Variants in SRL observed in about 807,000 individuals in gnomAD.
SRL encodes sarcalumenin.
In SRL, 23 loss-of-function variants were observed where a neutral mutation model predicts 39.5. The observed-to-expected ratio is 0.58, with a 90% confidence interval of 0.42 to 0.82. The LOEUF (loss-of-function observed/expected upper bound fraction) is 0.82. Among genes scored for constraint, SRL ranks in the 40% least tolerant of loss-of-function variants. The probability of loss-of-function intolerance (pLI) is 0.00; values close to 1 mark genes in which losing one functional copy is unlikely to be tolerated. For synonymous variants in SRL, 272 were observed against 237.4 expected, an observed-to-expected ratio of 1.15 and a Z score of -1.34; for missense variants, 592 against 607.8, an observed-to-expected ratio of 0.97 and a Z score of 0.27.
At chr16:4,211,723 C>G (rs908446058) in intron 1 of SRL, among the ~76,000 whole-genome samples, 4 of 134,812 alleles carry the variant, frequency 3.0e-5, no homozygotes, top group Non-Finnish European at 6.4e-5. Context: ...TGGTGATGAC[C>G]GTGCCGATGA....
chr16:4,238,643 G>A (rs1195467436), intron 1 of SRL, among the ~76,000 whole-genome samples: 3 of 140,528 alleles, frequency 2.1e-5, no homozygotes, highest in Non-Finnish European at 4.5e-5. Context: ...TTTTTTCCTT[G>A]AGACAAGGTC....
chr16:4,200,580 C>G (rs920787295), intron 3 of SRL, among the ~76,000 whole-genome samples: 1 of 152,204 alleles, frequency 6.6e-6, no homozygotes, highest in Non-Finnish European at 1.5e-5. Flanking sequence ...GCTCCTGGCC[C>G]TGCTGCTGTA....
intron 3 of SRL, 122 bp downstream of exon 3, chr16:4,203,044 T>C: frequency 2.3e-6 from 2 of 865,176 alleles, no homozygotes; most frequent in South Asian, 1.5e-5. Context: ...GCACACATCA[T>C]GAATGAGCTC....
intron 1 of SRL, among the ~76,000 whole-genome samples, chr16:4,217,982 G>A (rs1308495787): frequency 2.6e-5 from 4 of 152,164 alleles, no homozygotes; most frequent in Non-Finnish European, 5.9e-5. Flanking sequence ...GGAGCTGCAG[G>A]GTGCCTGGGG....
chr16:4,198,929 C>T (rs2052184812), intron 3 of SRL, among the ~76,000 whole-genome samples: 1 of 152,150 alleles, frequency 6.6e-6, no homozygotes, highest in Non-Finnish European at 1.5e-5. Flanking sequence ...AAATAGAATG[C>T]TCTCGTGCTT....
At chr16:4,236,853 C>T (rs965086796) in intron 1 of SRL, among the ~76,000 whole-genome samples, 1 of 152,046 alleles carries the variant, frequency 6.6e-6, no homozygotes, top group South Asian at 2.1e-4. Context: ...CCCTATTAGT[C>T]AGGCTGGTCT....
rs2052290753 is a variant in SRL at position 4,204,534 on chromosome 16, A to G, written c.162T>C (p.Ser54=). The G allele has an allele frequency of 6.6e-7, 1 of 1,522,444 alleles. No homozygotes were observed. The highest frequency in any genetic ancestry group is 8.9e-7 in the Non-Finnish European group (1 of 1,127,890). 94.3% of individuals were successfully genotyped at this position (1,522,444 alleles called of 1,614,324 possible). The part of the protein sequence containing the change: ...LNEDKPSDDY[S]AVLQRLRKIY... ...GGCATATCTCCCTCCCCTGGTTACC[A>G]GAGTAGTCATCGGATGGCTTGTCCT... The change falls in exon 2 of 6, where the codon TCT becomes TCC. Residue 54 remains serine, a splice_region_variant and synonymous_variant. Transcript: ENST00000399609.
At chr16:4,226,792 G>C (rs991659329) in intron 1 of SRL, among the ~76,000 whole-genome samples, 3 of 151,578 alleles carry the variant, frequency 2.0e-5, no homozygotes, top group Admixed American at 6.6e-5. Flanking sequence ...TGGGTGGATG[G>C]ATGGCTGAAT....
At chr16:4,199,266 C>T (rs1389222779) in intron 3 of SRL, among the ~76,000 whole-genome samples, 2 of 151,994 alleles carry the variant, frequency 1.3e-5, no homozygotes, top group Admixed American at 6.6e-5. Flanking sequence ...TCAGCCCTGA[C>T]ACCCCCTGGA....
chr16:4,202,719 A>G (rs2052253033), intron 3 of SRL, among the ~76,000 whole-genome samples: 1 of 152,176 alleles, frequency 6.6e-6, no homozygotes, highest in Non-Finnish European at 1.5e-5. Flanking sequence ...TTTGTAAAGA[A>G]TCCAGGCCCA....
At chr16:4,239,806 C>A (rs772081620) in intron 1 of SRL, 3 of 152,210 alleles carry the variant, frequency 2.0e-5, no homozygotes, top group Non-Finnish European at 4.4e-5. Context: ...GTGGGGAGAC[C>A]GATCAAATCA....
intron 1 of SRL, among the ~76,000 whole-genome samples, chr16:4,206,539 A>G (rs114107844): frequency 0.042 from 6,371 of 151,712 alleles, 457 homozygotes; most frequent in African/African-American, 0.15. Context: ...GACCCCTCTC[A>G]CTGGCCCCTC....
At chr16:4,213,658 A>G (rs2052422188) in intron 1 of SRL, among the ~76,000 whole-genome samples, 2 of 151,068 alleles carry the variant, frequency 1.3e-5, no homozygotes, top group Non-Finnish European at 2.9e-5. Context: ...CGATCCTCCC[A>G]CCTCAGCCTC....
chr16:4,236,779 G>A (rs2052718525), intron 1 of SRL, among the ~76,000 whole-genome samples: 2 of 152,070 alleles, frequency 1.3e-5, no homozygotes, highest in Admixed American at 6.6e-5. Flanking sequence ...GAGTAGCTGG[G>A]ATTACAGGCG....
chr16:4,195,827 T>G, intron 4 of SRL, 41 bp from the exon 5 acceptor site: 10 of 1,529,066 alleles, frequency 6.5e-6, no homozygotes, highest in Non-Finnish European at 9.0e-6. Context: ...ACATGATCTC[T>G]GTGAAACAGA....
At chr16:4,219,451 G>A (rs937895893) in intron 1 of SRL, among the ~76,000 whole-genome samples, 4 of 152,114 alleles carry the variant, frequency 2.6e-5, no homozygotes, top group African/African-American at 4.8e-5. Context: ...TCAGGCTGGC[G>A]CCCTGAGCAC....
intron 1 of SRL, among the ~76,000 whole-genome samples, chr16:4,235,062 G>A (rs539710408): frequency 1.3e-5 from 2 of 152,340 alleles, no homozygotes; most frequent in South Asian, 4.1e-4. Context: ...CAGTGTCTTG[G>A]TAGCAGGGAC....
Position 4,229,168 on chromosome 16 carries a change from G to T in SRL, c.61+12839C>A, listed in dbSNP as rs572631117. Among the ~76,000 whole-genome samples, 21 of 152,188 alleles carry T rather than the reference G, an allele frequency of 1.4e-4. No homozygotes were observed. In the South Asian group the frequency reaches 3.7e-3, roughly 27 times the overall value. On this transcript the variant is annotated intron_variant, in intron 1 of 5. Coordinates refer to ENST00000399609, the MANE Select transcript of SRL (RefSeq NM_001098814.2). ...AGCCATTAAAAAAAATCATGGCTGG[G>T]CGCAGTGGCTCGCAACTGTAATCCC...
chr16:4,199,447 T>G (rs1025531138), intron 3 of SRL, among the ~76,000 whole-genome samples: 1 of 135,122 alleles, frequency 7.4e-6, no homozygotes, highest in Non-Finnish European at 1.6e-5. Context: ...TCATAGCTCA[T>G]ATAGCCTCAA....
Sources: allele counts gnomAD v4.1 joint callset (sites outside exome capture counted in the v4.1 genomes callset), GRCh38; gene constraint gnomAD v4.1.1; transcripts MANE v1.5; gene names NCBI Gene and HGNC (gene_info 2026-07-23, HGNC 2026-07-21).